Variants in PCSK6 observed in about 807,000 individuals in gnomAD.
PCSK6 encodes the protein paired basic amino acid cleaving enzyme 4.
In PCSK6, 85 loss-of-function variants were observed where a neutral mutation model predicts 123.3. That is an observed-to-expected ratio of 0.69 (90% CI 0.58 to 0.83). The LOEUF is 0.83. Among genes scored for constraint, PCSK6 ranks in the 40% least tolerant of loss-of-function variants. The probability of loss-of-function intolerance (pLI) is 0.00; values close to 1 mark genes in which losing one functional copy is unlikely to be tolerated. For missense variants in PCSK6, 1,191 were observed against 1,282.3 expected, an observed-to-expected ratio of 0.93 and a Z score of 1.09; for synonymous variants, 508 against 516.0, an observed-to-expected ratio of 0.98 and a Z score of 0.21.
chr15:101,401,347 A>G (rs781158846), intron 6 of PCSK6, among the ~76,000 whole-genome samples: 5 of 152,220 alleles, frequency 3.3e-5, no homozygotes, highest in South Asian at 4.1e-4. Flanking sequence ...AGTGTTATCT[A>G]TCTTCTCTTC....
chr15:101,488,898 C>A (rs1433281448), intron 1 of PCSK6, among the ~76,000 whole-genome samples: 1 of 150,682 alleles, frequency 6.6e-6, no homozygotes, highest in Admixed American at 6.6e-5. Flanking sequence ...CGCCTTGGCG[C>A]GCGCACCGGG....
intron 6 of PCSK6, among the ~76,000 whole-genome samples, chr15:101,402,578 G>C (rs1204442976): frequency 1.3e-5 from 2 of 152,030 alleles, no homozygotes; most frequent in South Asian, 4.1e-4. Flanking sequence ...TTACAAGAAA[G>C]AAACAAACAA....
chr15:101,404,150 A>G (rs2042698917), intron 6 of PCSK6, among the ~76,000 whole-genome samples: 1 of 150,572 alleles, frequency 6.6e-6, no homozygotes, highest in African/African-American at 2.5e-5. Flanking sequence ...CTCTAGACAA[A>G]CAGAGGTTCT....
chr15:101,486,963 A>G (rs1037489338), intron 1 of PCSK6, among the ~76,000 whole-genome samples: 12 of 152,356 alleles, frequency 7.9e-5, no homozygotes, highest in Non-Finnish European at 1.6e-4. Context: ...GAACACAAAC[A>G]GCTTCCTTCC....
chr15:101,383,626 T>C (rs1241964443), intron 10 of PCSK6, among the ~76,000 whole-genome samples: 5 of 152,070 alleles, frequency 3.3e-5, no homozygotes, highest in African/African-American at 9.7e-5. Flanking sequence ...AAAAGAAGTT[T>C]TACAGTTAGA....
rs545248144 is a variant in PCSK6 at position 101,371,323 on chromosome 15, G to A, written c.1533-800C>T. ...CTCCTCGGTGGCATTTGGCCAGCTC[G>A]TTTCTCAGTTGCCCTAGTATGACCT... is the stretch of plus-strand genomic sequence containing the variant. On this transcript the variant is annotated intron_variant, in intron 11 of 21. Coordinates refer to ENST00000611716, the MANE Select transcript of PCSK6 (RefSeq NM_002570.5). 6.4e-4 allele frequency among the ~76,000 whole-genome samples: 98 copies of A among 152,270 alleles called. 1 individual carries two copies. The highest frequency in any genetic ancestry group is 2.1e-3 in the African/African-American group (89 of 41,550).
At chr15:101,375,132 T>C (rs1373518120) in intron 11 of PCSK6, among the ~76,000 whole-genome samples, 2 of 152,102 alleles carry the variant, frequency 1.3e-5, no homozygotes, top group Admixed American at 1.3e-4. Flanking sequence ...TTTGTATTTT[T>C]AGTAGAGATG....
intron 6 of PCSK6, among the ~76,000 whole-genome samples, chr15:101,406,223 C>T (rs939906666): frequency 6.6e-6 from 1 of 152,104 alleles, no homozygotes. Flanking sequence ...CACACCCACA[C>T]ACACACACGC....
Position 101,305,163 on chromosome 15 carries a change from C to T in PCSK6, c.*95G>A, listed in dbSNP as rs1222003369. The T allele has an allele frequency of 8.8e-6, 9 of 1,027,954 alleles. No individual in the cohort carries two copies. The highest frequency in any genetic ancestry group is 2.0e-4 in the Middle Eastern group (1 of 4,974). The allele number at this position is 1,027,954 out of a possible 1,614,324, so 63.7% of individuals were successfully genotyped here. On this transcript the variant is annotated 3_prime_UTR_variant, in exon 22 of 22. Coordinates refer to ENST00000611716, the MANE Select transcript of PCSK6 (RefSeq NM_002570.5). The surrounding 1 kb of genome is among the most constrained non-coding windows in gnomAD (Gnocchi z 4.8). The stretch of plus-strand genomic sequence containing the variant: ...GGAGATAAAGCTGTCAGGTGCAGGG[C>T]GCCGCTCCTGAAACAGACTCTGGCC...
chr15:101,348,704 C>T (rs2040811461), intron 13 of PCSK6, among the ~76,000 whole-genome samples: 1 of 152,138 alleles, frequency 6.6e-6, no homozygotes, highest in Non-Finnish European at 1.5e-5. Context: ...CTCCCCAGGC[C>T]CGTTGAAGTA....
chr15:101,366,887 A>G (rs1366154461), intron 12 of PCSK6, among the ~76,000 whole-genome samples: 2 of 152,214 alleles, frequency 1.3e-5, no homozygotes, highest in Admixed American at 6.5e-5. Context: ...GTTCTCTGGG[A>G]GACACAAATA....
intron 17 of PCSK6, among the ~76,000 whole-genome samples, 173 bp downstream of exon 17, chr15:101,324,677 G>A (rs2040206781): frequency 6.6e-6 from 1 of 152,204 alleles, no homozygotes; most frequent in Admixed American, 6.5e-5. Flanking sequence ...TAACTAACAG[G>A]TCTGGGTGCT....
chr15:101,326,143 C>T (rs369207808), intron 16 of PCSK6, among the ~76,000 whole-genome samples: 5 of 152,222 alleles, frequency 3.3e-5, no homozygotes, highest in African/African-American at 7.2e-5. Flanking sequence ...TTTATAAGCA[C>T]GGACGCCAAC....
chr15:101,465,435 C>T (rs2057435147), intron 1 of PCSK6, among the ~76,000 whole-genome samples: 1 of 152,216 alleles, frequency 6.6e-6, no homozygotes, highest in Non-Finnish European at 1.5e-5. Flanking sequence ...CAGCTCAGCC[C>T]CTCCTGAGGT....
chr15:101,313,755 C>T (rs753931373), intron 19 of PCSK6: 5 of 458,168 alleles, frequency 1.1e-5, no homozygotes, highest in African/African-American at 3.9e-5. Context: ...CACACCTGCC[C>T]ACTGGCCGTG....
intron 13 of PCSK6, among the ~76,000 whole-genome samples, chr15:101,350,193 A>G (rs2141408278): frequency 6.6e-6 from 1 of 152,328 alleles, no homozygotes; most frequent in East Asian, 1.9e-4. Context: ...GGCGTGAGAC[A>G]ACGCACCTGG....
At chr15:101,362,467 T>C (rs12592414) in intron 13 of PCSK6, among the ~76,000 whole-genome samples, 19,327 of 151,940 alleles carry the variant, frequency 0.13, 2,853 homozygotes, top group African/African-American at 0.34. Context: ...GATCCCTGGA[T>C]GGGAACAAAG....
intron 2 of PCSK6, among the ~76,000 whole-genome samples, chr15:101,442,754 C>T (rs2056789246): frequency 1.3e-5 from 2 of 152,112 alleles, no homozygotes; most frequent in African/African-American, 2.4e-5. Flanking sequence ...TACCAATGAC[C>T]TCCGTTCCTT....
At chr15:101,466,764 G>A (rs951644657) in intron 1 of PCSK6, among the ~76,000 whole-genome samples, 7 of 152,170 alleles carry the variant, frequency 4.6e-5, no homozygotes, top group Non-Finnish European at 1.0e-4. Flanking sequence ...TATTATTACT[G>A]TATGATTCCA....
Sources: allele counts gnomAD v4.1 joint callset (sites outside exome capture counted in the v4.1 genomes callset), GRCh38; gene constraint gnomAD v4.1.1; non-coding constraint Gnocchi (gnomAD v3.1); transcripts MANE v1.5; gene names NCBI Gene and HGNC (gene_info 2026-07-23, HGNC 2026-07-21).